Variants in NEK7 observed in about 807,000 individuals in gnomAD.
NEK7 encodes the protein serine/threonine-protein kinase Nek7.
NEK7 carries 18 observed loss-of-function variants against 44.6 expected under a neutral mutation model. The observed-to-expected ratio is 0.40, with a 90% CI of 0.28 to 0.60. The LOEUF (loss-of-function observed/expected upper bound fraction) is 0.60. NEK7 is among the 20% of genes least tolerant of loss of function. NEK7 has a pLI of 0.38. For synonymous variants in NEK7, 130 were observed against 121.1 expected (o/e 1.07, Z -0.48); for missense variants, 256 against 366.5 (o/e 0.70, Z 2.46).
At chr1:198,195,757 G>A (rs545348028) in intron 1 of NEK7, among the ~76,000 whole-genome samples, 2 of 152,234 alleles carry the variant, frequency 1.3e-5, no homozygotes, top group East Asian at 1.9e-4. Flanking sequence ...CCCGGGAGGC[G>A]GAAGTTGCAG....
chr1:198,265,573 A>C (rs1054625080), intron 5 of NEK7, among the ~76,000 whole-genome samples: 3 of 152,086 alleles, frequency 2.0e-5, no homozygotes, highest in Non-Finnish European at 4.4e-5. Context: ...TTAGGAGTAC[A>C]TATTTGGCTT....
intron 1 of NEK7, among the ~76,000 whole-genome samples, chr1:198,182,700 T>G (rs1329706153): frequency 6.6e-6 from 1 of 152,222 alleles, no homozygotes; most frequent in African/African-American, 2.4e-5. Flanking sequence ...AACCATCTAC[T>G]TATAATTTTT....
chr1:198,290,238 AT>A (rs1238418220), intron 7 of NEK7, among the ~76,000 whole-genome samples: 32 of 152,228 alleles, frequency 2.1e-4, no homozygotes, highest in African/African-American at 7.7e-4. Flanking sequence ...TCGCATGATC[AT>A]TTTAATGTCT....
intron 5 of NEK7, among the ~76,000 whole-genome samples, chr1:198,266,297 A>G (rs1008239463): frequency 2.6e-5 from 4 of 152,138 alleles, no homozygotes; most frequent in Non-Finnish European, 5.9e-5. Context: ...GAGTATGCAC[A>G]TTTTAAATGA....
intron 5 of NEK7, among the ~76,000 whole-genome samples, chr1:198,270,791 A>T (rs1167797795): frequency 2.0e-5 from 3 of 152,116 alleles, no homozygotes; most frequent in African/African-American, 7.2e-5. Flanking sequence ...ATAGCAAATT[A>T]CTACAAATTT....
chr1:198,220,845 A>G (rs1666060689), intron 1 of NEK7: 2 of 152,112 alleles, frequency 1.3e-5, no homozygotes, highest in African/African-American at 4.8e-5. Flanking sequence ...CTACTTAAAT[A>G]TGATTGATCC....
rs1326180292 is a variant in NEK7, at chr1:198,319,589, A to G, written c.*67A>G. ...TATTTTGTGCAAGTCATACCTCCCC[A>G]TTTATGTCTGGTGTTAAGATTAATA... is the stretch of plus-strand genomic sequence containing the variant. On this transcript the variant is annotated 3_prime_UTR_variant, in exon 10 of 10. Transcript: ENST00000367385. 12 of 1,465,680 alleles carry G rather than the reference A, an allele frequency of 8.2e-6. No individual in the cohort carries two copies. Among genetic ancestry groups the G allele is most frequent in the African/African-American group, 1.4e-5 (1 of 70,968 alleles). The allele number at this position is 1,465,680 out of a possible 1,614,324, so 90.8% of individuals were successfully genotyped here.
chr1:198,225,255 C>A (rs928174117), intron 1 of NEK7, among the ~76,000 whole-genome samples: 235 of 132,726 alleles, frequency 1.8e-3, no homozygotes, highest in East Asian at 2.8e-3. Flanking sequence ...GTGTAGGTTA[C>A]AAAAAAAAAA....
At chr1:198,232,088 C>T (rs542039171) in intron 1 of NEK7, among the ~76,000 whole-genome samples, 46 of 152,124 alleles carry the variant, frequency 3.0e-4, no homozygotes, top group African/African-American at 1.0e-3. Flanking sequence ...ACTCATATGA[C>T]GACTGGCCTT....
At chr1:198,192,115 CACAT>C (rs1665096593) in intron 1 of NEK7, among the ~76,000 whole-genome samples, 1 of 151,892 alleles carries the variant, frequency 6.6e-6, no homozygotes, top group Non-Finnish European at 1.5e-5. Flanking sequence ...TGTACAAATA[CACAT>C]ACATACTTTT....
At chr1:198,288,535 C>T (rs1312338205) in intron 7 of NEK7, among the ~76,000 whole-genome samples, 1 of 152,158 alleles carries the variant, frequency 6.6e-6, no homozygotes, top group Non-Finnish European at 1.5e-5. Flanking sequence ...TGCTTAAATG[C>T]AAGAGACAAG....
At chr1:198,168,696 C>CT (rs550063150) in intron 1 of NEK7, among the ~76,000 whole-genome samples, 2 of 151,926 alleles carry the variant, frequency 1.3e-5, no homozygotes, top group East Asian at 1.9e-4. Context: ...CTTTTTGTTT[C>CT]TTTTTTTTCT....
intron 1 of NEK7, among the ~76,000 whole-genome samples, chr1:198,172,592 G>A (rs1664482103): frequency 6.6e-6 from 1 of 152,218 alleles, no homozygotes; most frequent in African/African-American, 2.4e-5. Flanking sequence ...CCATCTTGGT[G>A]CTGAGACAGT....
intron 9 of NEK7, among the ~76,000 whole-genome samples, chr1:198,303,633 C>T (rs897208325): frequency 1.3e-5 from 2 of 151,920 alleles, no homozygotes; most frequent in African/African-American, 4.8e-5. Flanking sequence ...TTTAATAGAT[C>T]TATATAAGTT....
intron 1 of NEK7, among the ~76,000 whole-genome samples, chr1:198,204,765 A>G (rs1186597143): frequency 1.3e-5 from 2 of 151,462 alleles, no homozygotes; most frequent in African/African-American, 4.8e-5. Context: ...ATTTACAGAT[A>G]TTGGCTGAAA....
At position 198,264,091 on chromosome 1, in the gene NEK7, A is replaced by C; in HGVS notation, c.262-34A>C. The C allele has an allele frequency of 1.3e-6, 2 of 1,564,574 alleles. 1 individual carries two copies. The highest frequency in any genetic ancestry group is 2.4e-5 in the South Asian group (2 of 82,096). On this transcript the variant is annotated intron_variant, in intron 4 of 9. Coordinates refer to ENST00000367385, the MANE Select transcript of NEK7 (RefSeq NM_133494.3). ...AAGTGACTCTTGGATATTTACAGTA[A>C]GAAAACTTTCTGATGCCTGTTTTAT...
At chr1:198,179,785 A>G (rs1336006213) in intron 1 of NEK7, among the ~76,000 whole-genome samples, 1 of 146,126 alleles carries the variant, frequency 6.8e-6, no homozygotes, top group Non-Finnish European at 1.5e-5. Flanking sequence ...GGAAGAACCT[A>G]CAGTTACACA....
chr1:198,207,376 G>T (rs781075754), intron 1 of NEK7, among the ~76,000 whole-genome samples: 2 of 152,078 alleles, frequency 1.3e-5, no homozygotes, highest in Admixed American at 6.6e-5. Flanking sequence ...TTACCAGAGC[G>T]TAGAGTGTAT....
At chr1:198,313,170 G>A (rs372892277) in intron 9 of NEK7, among the ~76,000 whole-genome samples, 1 of 152,078 alleles carries the variant, frequency 6.6e-6, no homozygotes, top group Non-Finnish European at 1.5e-5. Context: ...TTCTTGTTGA[G>A]TTGATCCCTT....
Sources: gnomAD v4.1 joint callset for allele counts (sites outside exome capture counted in the v4.1 genomes callset) on GRCh38, gnomAD v4.1.1 for gene constraint, MANE v1.5 for transcripts, NCBI Gene and HGNC (gene_info 2026-07-23, HGNC 2026-07-21) for gene names.